CTDSPL: variants seen among roughly 807,000 people sequenced by gnomAD.
The protein encoded by CTDSPL is CTD small phosphatase-like protein.
A neutral mutation model predicts 30.5 loss-of-function variants in CTDSPL; 8 were observed. The observed-to-expected ratio is 0.26, with a 90% confidence interval of 0.15 to 0.47. The LOEUF (loss-of-function observed/expected upper bound fraction) is 0.47, where lower values mean the gene tolerates loss of function less well. Ranked by LOEUF, CTDSPL falls within the 20% of genes least tolerant of loss-of-function variation. CTDSPL has a pLI of 0.99. For missense variants in CTDSPL, 248 were observed against 366.1 expected (o/e 0.68, Z 2.63); for synonymous variants, 110 against 137.9 (o/e 0.80, Z 1.42).
At position 37,981,728 on chromosome 3, in the gene CTDSPL, T is replaced by C; in HGVS notation, c.*861T>C. ...TACTGCCATACATTTGTGTTTTTTG[T>C]TGTTATTGTTTGGGTAGAGCAGTTA... On this transcript the variant is annotated 3_prime_UTR_variant, in exon 8 of 8. Transcript: ENST00000273179. 1 of 420,012 alleles carries C rather than the reference T, an allele frequency of 2.4e-6. No homozygotes were observed. Among genetic ancestry groups the C allele is most frequent in the Non-Finnish European group, 4.8e-6 (1 of 206,754 alleles). 26.0% of individuals were successfully genotyped at this position (420,012 alleles called of 1,614,324 possible). A position where few individuals can be genotyped will look rare whatever the true frequency, so the allele number is the denominator to read the frequency against.
intron 1 of CTDSPL, among the ~76,000 whole-genome samples, chr3:37,863,891 A>G (rs949358644): frequency 6.6e-6 from 1 of 152,242 alleles, no homozygotes; most frequent in African/African-American, 2.4e-5. Context: ...TAAAGAATTC[A>G]AACTCTCTCA....
chr3:37,886,090 T>C (rs1179850701), intron 1 of CTDSPL, among the ~76,000 whole-genome samples: 1 of 152,164 alleles, frequency 6.6e-6, no homozygotes, highest in Non-Finnish European at 1.5e-5. Flanking sequence ...GGTTCCCAAG[T>C]GTCTCTAACT....
At chr3:37,892,333 A>G (rs1050476106) in intron 1 of CTDSPL, among the ~76,000 whole-genome samples, 9 of 152,374 alleles carry the variant, frequency 5.9e-5, no homozygotes, top group Admixed American at 5.9e-4. Context: ...GAATACATAT[A>G]AAGGCACCTA....
chr3:37,870,356 A>C (rs553865887), intron 1 of CTDSPL, among the ~76,000 whole-genome samples: 4 of 152,148 alleles, frequency 2.6e-5, no homozygotes, highest in Non-Finnish European at 5.9e-5. Flanking sequence ...AGCTATTCAT[A>C]GCATTTTTCC....
chr3:37,940,995 C>A (rs185532734), intron 1 of CTDSPL, among the ~76,000 whole-genome samples: 2 of 150,424 alleles, frequency 1.3e-5, no homozygotes, highest in African/African-American at 4.8e-5. Context: ...CATTCATAGA[C>A]CCTCTGTAAG....
At chr3:37,946,073 TG>T (rs1699033519) in intron 1 of CTDSPL, among the ~76,000 whole-genome samples, 1 of 152,104 alleles carries the variant, frequency 6.6e-6, no homozygotes, top group Admixed American at 6.5e-5. Context: ...ATCCTAAGCA[TG>T]GTCCCTTGCC....
chr3:37,928,968 A>G (rs1001304434), intron 1 of CTDSPL, among the ~76,000 whole-genome samples: 3 of 152,180 alleles, frequency 2.0e-5, no homozygotes, highest in African/African-American at 7.2e-5. Context: ...AGGGCATAAA[A>G]TAAAGGTCCA....
intron 1 of CTDSPL, among the ~76,000 whole-genome samples, chr3:37,874,574 A>G (rs1698112234): frequency 6.6e-6 from 1 of 152,186 alleles, no homozygotes; most frequent in African/African-American, 2.4e-5. Context: ...TACTAAAAAT[A>G]CAAAAATGAG....
At position 37,981,013 on chromosome 3, in the gene CTDSPL, GT is replaced by G; in HGVS notation, c.*153del. ...GAATGTGGCCATGCCTACCTGTTTT[GT>G]TTTTTTAAGAACAGAAACAACTATT... On this transcript the variant is annotated 3_prime_UTR_variant, in exon 8 of 8. Coordinates refer to ENST00000273179, the MANE Select transcript of CTDSPL (RefSeq NM_001008392.2). 2 of 825,594 alleles carry G rather than the reference GT, an allele frequency of 2.4e-6. No homozygotes were observed. The highest frequency in any genetic ancestry group is 3.3e-6 in the Non-Finnish European group (2 of 609,350). 51.1% of individuals were successfully genotyped at this position (825,594 alleles called of 1,614,324 possible).
At chr3:37,970,670 A>G (rs1427024887) in intron 5 of CTDSPL, among the ~76,000 whole-genome samples, 1 of 151,872 alleles carries the variant, frequency 6.6e-6, no homozygotes, top group Non-Finnish European at 1.5e-5. Flanking sequence ...CCTCACTGCT[A>G]CCCCCTGGCC....
chr3:37,891,469 C>T (rs758408439), intron 1 of CTDSPL, among the ~76,000 whole-genome samples: 2 of 152,246 alleles, frequency 1.3e-5, no homozygotes, highest in Non-Finnish European at 2.9e-5. Context: ...CAAGCGAGGA[C>T]ACAGCTGTTT....
intron 1 of CTDSPL, among the ~76,000 whole-genome samples, chr3:37,923,068 G>A (rs1172287693): frequency 6.6e-6 from 1 of 152,212 alleles, no homozygotes; most frequent in Non-Finnish European, 1.5e-5. Context: ...CAGGAAGGGG[G>A]CCTAACCACA....
chr3:37,870,468 C>T (rs1419282393), intron 1 of CTDSPL, among the ~76,000 whole-genome samples: 1 of 152,104 alleles, frequency 6.6e-6, no homozygotes, highest in Non-Finnish European at 1.5e-5. Flanking sequence ...GTGTGTCAAT[C>T]TTGCTTGAGG....
intron 1 of CTDSPL, among the ~76,000 whole-genome samples, chr3:37,887,839 A>G (rs1016503649): frequency 6.6e-6 from 1 of 152,264 alleles, no homozygotes; most frequent in Non-Finnish European, 1.5e-5. Context: ...CGATATAGTA[A>G]TAGCTCCTCC....
At chr3:37,902,627 CTCTG>C (rs1181293335) in intron 1 of CTDSPL, among the ~76,000 whole-genome samples, 2 of 152,170 alleles carry the variant, frequency 1.3e-5, no homozygotes, top group Non-Finnish European at 2.9e-5. Flanking sequence ...GTTTCTCCTT[CTCTG>C]TCTGTATTCT....
At chr3:37,917,877 C>T (rs1398566731) in intron 1 of CTDSPL, among the ~76,000 whole-genome samples, 1 of 152,148 alleles carries the variant, frequency 6.6e-6, no homozygotes, top group Non-Finnish European at 1.5e-5. Flanking sequence ...GAGAAAATTG[C>T]TGGATGAGCC....
intron 1 of CTDSPL, among the ~76,000 whole-genome samples, chr3:37,866,023 CTCCTGT>C (rs1698005581): frequency 6.6e-6 from 1 of 152,218 alleles, no homozygotes; most frequent in African/African-American, 2.4e-5. Context: ...ACATTGAAAG[CTCCTGT>C]TCTACTTCTG....
intron 1 of CTDSPL, among the ~76,000 whole-genome samples, chr3:37,883,816 A>G (rs1001739471): frequency 6.6e-6 from 1 of 152,214 alleles, no homozygotes; most frequent in African/African-American, 2.4e-5. Context: ...TGTTTTGACA[A>G]GTTTCTTCTT....
chr3:37,888,472 A>G (rs539973053), intron 1 of CTDSPL, among the ~76,000 whole-genome samples: 3 of 152,262 alleles, frequency 2.0e-5, no homozygotes, highest in East Asian at 1.9e-4. Flanking sequence ...AATTCCAAGT[A>G]CAGGAGAGCC....
Sources: allele counts gnomAD v4.1 joint callset (sites outside exome capture counted in the v4.1 genomes callset), GRCh38; gene constraint gnomAD v4.1.1; transcripts MANE v1.5; gene names NCBI Gene and HGNC (gene_info 2026-07-23, HGNC 2026-07-21).